The following TRMT9B variants were observed in gnomAD, a reference collection of about 807,000 sequenced individuals.
TRMT9B encodes the protein probable tRNA methyltransferase 9B.
In TRMT9B, 16 loss-of-function variants were observed where a neutral mutation model predicts 11.5. The observed-to-expected ratio is 1.39, with a 90% CI of 0.94 to 2.11. The LOEUF (loss-of-function observed/expected upper bound fraction) is 2.11, where lower values mean the gene tolerates loss of function less well. TRMT9B is among the 30% of genes most tolerant of loss of function. The pLI, the probability that TRMT9B is intolerant of heterozygous loss-of-function variation, is 0.00. For missense variants in TRMT9B, 941 were observed against 553.8 expected (o/e 1.70, Z -7.02); for synonymous variants, 274 against 192.4 (o/e 1.42, Z -3.51).
chr8:12,955,393 G>A (rs561582903), intron 1 of TRMT9B, among the ~76,000 whole-genome samples: 5 of 152,214 alleles, frequency 3.3e-5, no homozygotes, highest in East Asian at 1.9e-4. Context: ...ACATATGCGT[G>A]TTTTTATTCT....
intron 2 of TRMT9B, among the ~76,000 whole-genome samples, chr8:12,997,321 C>G (rs1037703682): frequency 6.6e-6 from 1 of 152,084 alleles, no homozygotes; most frequent in African/African-American, 2.4e-5. Flanking sequence ...CCTGGCATCT[C>G]CTCCCCTCTC....
chr8:13,007,988 C>T (rs1310619875), intron 3 of TRMT9B, among the ~76,000 whole-genome samples: 4 of 152,158 alleles, frequency 2.6e-5, no homozygotes, highest in African/African-American at 9.7e-5. Context: ...ATTCACAGTA[C>T]TTACATTTCA....
At chr8:12,974,012 T>A (rs35572153) in intron 1 of TRMT9B, among the ~76,000 whole-genome samples, 52,570 of 150,832 alleles carry the variant, frequency 0.35, 9,467 homozygotes, top group East Asian at 0.6. Context: ...TATTAAAATT[T>A]TTTTTTTAAA....
chr8:13,016,233 T>C (rs1417702559), intron 4 of TRMT9B, among the ~76,000 whole-genome samples: 4 of 112,480 alleles, frequency 3.6e-5, no homozygotes, highest in African/African-American at 1.5e-4. Flanking sequence ...GTGAAATATA[T>C]ATTATATATA....
chr8:13,020,933 T>C (rs1813709081), intron 4 of TRMT9B, 75 bp from the exon 5 acceptor site: 4 of 960,324 alleles, frequency 4.2e-6, no homozygotes, highest in Non-Finnish European at 4.5e-6. Context: ...CCTTGTTATA[T>C]GGTAAACACC....
intron 1 of TRMT9B, among the ~76,000 whole-genome samples, chr8:12,966,327 G>T (rs140439689): frequency 6.6e-6 from 1 of 152,144 alleles, no homozygotes; most frequent in Non-Finnish European, 1.5e-5. Flanking sequence ...ACAACCATGT[G>T]CCATTTAGTG....
At chr8:13,000,140 A>C (rs561102388) in intron 2 of TRMT9B, among the ~76,000 whole-genome samples, 2 of 152,186 alleles carry the variant, frequency 1.3e-5, no homozygotes, top group Non-Finnish European at 2.9e-5. Context: ...AGGACAAGGA[A>C]CATTTCATTG....
chr8:13,020,336 A>G (rs1813583400), intron 4 of TRMT9B, among the ~76,000 whole-genome samples: 1 of 152,258 alleles, frequency 6.6e-6, no homozygotes, highest in South Asian at 2.1e-4. Flanking sequence ...ATTATGCCTA[A>G]TAACACACTT....
At chr8:12,968,639 C>T (rs762520157) in intron 1 of TRMT9B, among the ~76,000 whole-genome samples, 30 of 152,188 alleles carry the variant, frequency 2.0e-4, no homozygotes, top group Admixed American at 5.9e-4. Context: ...CAACTCCCTA[C>T]TCTGGGAGGA....
At position 12,970,853 on chromosome 8, in the gene TRMT9B, A is replaced by C. The variant is rs1359482402; in HGVS notation, c.-199-19981A>C. On this transcript the variant is annotated intron_variant, in intron 1 of 4. Transcript: ENST00000524591. ...TGGGAACTGTGATAAGAAGAAATTCAAGTCTGCATATTGGCTGCCAATGCT... is the reference window on the plus strand; with the variant it reads ...TGGGAACTGTGATAAGAAGAAATTCCAGTCTGCATATTGGCTGCCAATGCT... 2.0e-5 allele frequency among the ~76,000 whole-genome samples: 3 copies of C among 152,190 alleles called. No homozygotes were observed. The East Asian group carries it at 5.8e-4, about 29-fold the overall frequency.
At chr8:12,946,661 T>A (rs926860784) in intron 1 of TRMT9B, among the ~76,000 whole-genome samples, 2 of 152,144 alleles carry the variant, frequency 1.3e-5, no homozygotes, top group Admixed American at 6.5e-5. Context: ...TACACAGCGT[T>A]TTTCCTTGCA....
At chr8:12,952,899 C>T (rs180901464) in intron 1 of TRMT9B, among the ~76,000 whole-genome samples, 5 of 152,288 alleles carry the variant, frequency 3.3e-5, no homozygotes, top group African/African-American at 1.2e-4. Context: ...GTCACCATGC[C>T]TGGCTAATTT....
At chr8:12,967,384 A>G (rs2203834) in intron 1 of TRMT9B, among the ~76,000 whole-genome samples, 1 of 152,120 alleles carries the variant, frequency 6.6e-6, no homozygotes, top group Non-Finnish European at 1.5e-5. Flanking sequence ...AACTACTACT[A>G]CATCCTATAG....
In TRMT9B at chr8:12,990,827, C is replaced by G; in HGVS notation, c.-199-7C>G. 7.8e-7 allele frequency: 1 copy of G among 1,287,382 alleles called. No individual in the cohort carries two copies. The highest frequency in any genetic ancestry group is 1.0e-6 in the Non-Finnish European group (1 of 987,282). 79.7% of individuals were successfully genotyped at this position (1,287,382 alleles called of 1,614,324 possible). ...ATGACATTTAGTATTTGTTTTCTTC[C>G]TGATAGGGCCTGTGCTTCCTTCAGA... On this transcript the variant is annotated splice_region_variant and splice_polypyrimidine_tract_variant and intron_variant, in intron 1 of 4. Transcript: ENST00000524591.
At chr8:12,984,636 A>G (rs1053773740) in intron 1 of TRMT9B, among the ~76,000 whole-genome samples, 5 of 151,992 alleles carry the variant, frequency 3.3e-5, no homozygotes, top group African/African-American at 9.7e-5. Flanking sequence ...CCACGGTACT[A>G]TTTTGGGGGA....
At chr8:12,967,816 G>T (rs1247676807) in intron 1 of TRMT9B, among the ~76,000 whole-genome samples, 1 of 152,204 alleles carries the variant, frequency 6.6e-6, no homozygotes, top group African/African-American at 2.4e-5. Flanking sequence ...ATTGTTAACA[G>T]TTTAATTTTC....
chr8:12,953,432 T>C (rs2977087), intron 1 of TRMT9B, among the ~76,000 whole-genome samples: 131,762 of 151,888 alleles, frequency 0.87, 57,228 homozygotes, highest in Middle Eastern at 0.91. Flanking sequence ...TCAATACAAC[T>C]TCCGTCTCCC....
In TRMT9B at chr8:13,025,795, C is replaced by A. The variant is rs1303962884; in HGVS notation, c.*3751C>A. The A allele has an allele frequency of 3.6e-5, 6 of 166,992 alleles. No individual in the cohort carries two copies. Among genetic ancestry groups the A allele is most frequent in the Middle Eastern group, 6.8e-3 (2 of 296 alleles). The allele number at this position is 166,992 out of a possible 1,614,324, so 10.3% of individuals were successfully genotyped here. ...TCTTTTCTCATCATAGATCTCCGTG[C>A]AGAATAGTGCTAATTCTTATTTCTC... On this transcript the variant is annotated 3_prime_UTR_variant, in exon 5 of 5. Transcript: ENST00000524591.
intron 1 of TRMT9B, among the ~76,000 whole-genome samples, chr8:12,982,503 A>C (rs1805574989): frequency 6.6e-6 from 1 of 152,142 alleles, no homozygotes; most frequent in Non-Finnish European, 1.5e-5. Flanking sequence ...CTCTACTAAA[A>C]ATACAAAAAT....
Sources: allele counts gnomAD v4.1 joint callset (sites outside exome capture counted in the v4.1 genomes callset), GRCh38; gene constraint gnomAD v4.1.1; transcripts MANE v1.5; gene names NCBI Gene and HGNC (gene_info 2026-07-23, HGNC 2026-07-21).